AFF3: variants seen among roughly 807,000 people sequenced by gnomAD.
The protein encoded by AFF3 is ALF transcription elongation factor 3.
AFF3 carries 32 observed loss-of-function variants against 129.7 expected under a neutral mutation model. The ratio of observed to expected loss-of-function variants is 0.25; its 90% CI spans 0.19 to 0.33. AFF3 has a LOEUF of 0.33. Among genes scored for constraint, AFF3 ranks in the 10% least tolerant of loss-of-function variants. AFF3 has a pLI of 1.00. For synonymous variants in AFF3, 644 were observed against 635.4 expected (o/e 1.01, Z -0.20); for missense variants, 1,373 against 1,592.0 (o/e 0.86, Z 2.34).
rs1222181811 is a variant in AFF3, at chr2:99,801,671, CACTAGCTTG to C, written c.921+35797_921+35805del. 4.6e-5 allele frequency among the ~76,000 whole-genome samples: 7 copies of C among 152,306 alleles called. No individual in the cohort carries two copies. In the East Asian group the frequency reaches 1.3e-3, roughly 29 times the overall value. On this transcript the variant is annotated intron_variant, in intron 8 of 24. Transcript: ENST00000672756. ...CTGTGCTAAAAAGTTTTCACCATGT[CACTAGCTTG>C]ACATCTACTTTTACGACCTCTCATT...
intron 13 of AFF3, among the ~76,000 whole-genome samples, chr2:99,647,264 C>T (rs557204391): frequency 2.6e-5 from 4 of 152,248 alleles, no homozygotes; most frequent in East Asian, 1.9e-4. Context: ...TGCCCATTAA[C>T]GATAGACTGG....
At chr2:99,973,421 AC>A (rs1163013326) in intron 7 of AFF3, among the ~76,000 whole-genome samples, 3 of 152,216 alleles carry the variant, frequency 2.0e-5, no homozygotes, top group African/African-American at 7.2e-5. Context: ...TACTGGCTCC[AC>A]TTTCCCACCA....
intron 14 of AFF3, among the ~76,000 whole-genome samples, chr2:99,600,217 G>A (rs1256560247): frequency 6.6e-6 from 1 of 152,194 alleles, no homozygotes; most frequent in Non-Finnish European, 1.5e-5. Context: ...AGGAGAGCGT[G>A]GAGAGATGGC....
chr2:99,739,514 T>C (rs1680536382), intron 10 of AFF3, among the ~76,000 whole-genome samples: 1 of 152,182 alleles, frequency 6.6e-6, no homozygotes, highest in African/African-American at 2.4e-5. Context: ...TTTAAAAATG[T>C]AGACATAAAT....
intron 12 of AFF3, among the ~76,000 whole-genome samples, chr2:99,666,925 GAAGA>G (rs1218651082): frequency 6.6e-6 from 1 of 152,064 alleles, no homozygotes; most frequent in African/African-American, 2.4e-5. Flanking sequence ...TGAATAGAAA[GAAGA>G]AATAAACAAA....
At chr2:100,070,332 TCTGA>T (rs770667647) in intron 4 of AFF3, among the ~76,000 whole-genome samples, 2 of 149,660 alleles carry the variant, frequency 1.3e-5, no homozygotes, top group East Asian at 1.9e-4. Context: ...ATTAAAACCG[TCTGA>T]CTAACAGATG....
intron 20 of AFF3, among the ~76,000 whole-genome samples, chr2:99,564,351 T>C (rs949380540): frequency 1.3e-5 from 2 of 152,160 alleles, no homozygotes; most frequent in Non-Finnish European, 2.9e-5. Flanking sequence ...GGAAGGAATG[T>C]ATGGATCTAG....
chr2:99,737,948 T>C (rs1680390863), intron 10 of AFF3, among the ~76,000 whole-genome samples: 1 of 142,464 alleles, frequency 7.0e-6, no homozygotes, highest in Non-Finnish European at 1.5e-5. Context: ...CCATGGAAAT[T>C]CTAATTCCTA....
At chr2:100,022,359 G>A (rs1480282728) in intron 4 of AFF3, among the ~76,000 whole-genome samples, 1 of 152,144 alleles carries the variant, frequency 6.6e-6, no homozygotes, top group East Asian at 1.9e-4. Context: ...CTAACAATGT[G>A]TTTGTTTCCT....
intron 16 of AFF3, among the ~76,000 whole-genome samples, chr2:99,584,607 G>A (rs1677911399): frequency 6.6e-6 from 1 of 152,182 alleles, no homozygotes; most frequent in African/African-American, 2.4e-5. Context: ...TCAACCATCA[G>A]TGAAGAGGGA....
chr2:99,801,295 T>G (rs940302385), intron 8 of AFF3, among the ~76,000 whole-genome samples: 1 of 152,208 alleles, frequency 6.6e-6, no homozygotes, highest in African/African-American at 2.4e-5. Context: ...ATCAGAAATT[T>G]CAAAGTATGT....
intron 11 of AFF3, among the ~76,000 whole-genome samples, chr2:99,705,395 G>A (rs1677259855): frequency 1.3e-5 from 2 of 151,876 alleles, no homozygotes; most frequent in Non-Finnish European, 1.5e-5. Context: ...GAGAGGAGGG[G>A]GAGAGAAAGA....
intron 7 of AFF3, among the ~76,000 whole-genome samples, chr2:99,990,358 T>A (rs1414103101): frequency 6.6e-6 from 1 of 152,218 alleles, no homozygotes; most frequent in Non-Finnish European, 1.5e-5. Flanking sequence ...GAAGTTTTTT[T>A]GCACAACAAT....
At chr2:99,757,739 G>A (rs1682240771) in intron 8 of AFF3, among the ~76,000 whole-genome samples, 1 of 152,106 alleles carries the variant, frequency 6.6e-6, no homozygotes, top group Non-Finnish European at 1.5e-5. Context: ...AATATACCAC[G>A]CTTTGCACAT....
chr2:99,564,612 G>A (rs1675794695), intron 20 of AFF3, among the ~76,000 whole-genome samples: 2 of 152,146 alleles, frequency 1.3e-5, no homozygotes, highest in African/African-American at 4.8e-5. Flanking sequence ...CTGAGGGAAA[G>A]TGGTGTGTAA....
chr2:99,866,148 G>A (rs1276801796), intron 7 of AFF3, among the ~76,000 whole-genome samples: 4 of 152,148 alleles, frequency 2.6e-5, no homozygotes, highest in African/African-American at 9.7e-5. Flanking sequence ...TGCATCTTAA[G>A]CTCCCCACCT....
chr2:99,684,249 T>C (rs1018996942), intron 11 of AFF3, among the ~76,000 whole-genome samples: 2 of 152,204 alleles, frequency 1.3e-5, no homozygotes, highest in African/African-American at 4.8e-5. Flanking sequence ...CATTTAAGAC[T>C]CATCATGGAA....
intron 11 of AFF3, among the ~76,000 whole-genome samples, chr2:99,721,507 G>T (rs1231793388): frequency 1.4e-5 from 2 of 144,640 alleles, no homozygotes; most frequent in Non-Finnish European, 3.0e-5. Flanking sequence ...CCAGCCTGGG[G>T]ACAGAGTGAG....
At chr2:99,566,065 T>A (rs986488904) in intron 19 of AFF3, among the ~76,000 whole-genome samples, 3 of 152,202 alleles carry the variant, frequency 2.0e-5, no homozygotes, top group African/African-American at 7.2e-5. Context: ...TTGGTTATTA[T>A]CTTTTACATT....
Sources: allele counts gnomAD v4.1 joint callset (sites outside exome capture counted in the v4.1 genomes callset), GRCh38; gene constraint gnomAD v4.1.1; transcripts MANE v1.5; gene names NCBI Gene and HGNC (gene_info 2026-07-23, HGNC 2026-07-21).